Variants in RASGRF1 observed in about 807,000 individuals in gnomAD.
RASGRF1 encodes the protein ras-specific guanine nucleotide-releasing factor 1.
Under a neutral mutation model 138.7 loss-of-function variants are expected in RASGRF1, and 40 were observed. That is an observed-to-expected ratio of 0.29 (90% CI 0.22 to 0.38). The LOEUF (loss-of-function observed/expected upper bound fraction) is 0.38, where lower values mean the gene tolerates loss of function less well. RASGRF1 is among the 10% of genes least tolerant of loss of function. The pLI, the probability that RASGRF1 is intolerant of heterozygous loss-of-function variation, is 1.00. For synonymous variants in RASGRF1, 614 were observed against 663.2 expected (o/e 0.93, Z 1.14); for missense variants, 1,108 against 1,650.4 (o/e 0.67, Z 5.69).
At position 78,962,034 on chromosome 15, in the gene RASGRF1, T is replaced by C. The variant is rs2055553841; in HGVS notation, c.*110A>G. The C allele has an allele frequency of 4.3e-6, 3 of 695,464 alleles. No individual in the cohort carries two copies. The highest frequency in any genetic ancestry group is 3.7e-4 in the Middle Eastern group (1 of 2,708). The allele number at this position is 695,464 out of a possible 1,614,324, so 43.1% of individuals were successfully genotyped here. On this transcript the variant is annotated 3_prime_UTR_variant, in exon 27 of 27. Coordinates refer to ENST00000558480, the MANE Select transcript of RASGRF1 (RefSeq NM_001145648.3). ...ATCTAAGAACAAGGACGATTTGTAT[T>C]CTTGGAGAAGCACATACTGAAGAAG... is the stretch of plus-strand genomic sequence containing the variant.
Position 79,050,776 on chromosome 15 carries a change from C to A in RASGRF1, c.532-1188G>T, listed in dbSNP as rs143839049. Among the ~76,000 whole-genome samples, 1 of 152,206 alleles carries A rather than the reference C, an allele frequency of 6.6e-6. No homozygotes were observed. Among genetic ancestry groups the A allele is most frequent in the Non-Finnish European group, 1.5e-5 (1 of 68,030 alleles). On this transcript the variant is annotated intron_variant, in intron 3 of 26. Transcript: ENST00000558480. This position sits in a 1 kb window ranked among gnomAD's most constrained non-coding sequence, Gnocchi z 4.1. ...GACAGGCCAGTGGTGTATCCTCCTG[C>A]GCAGGGCTCGTCCAACCACTCCAAT...
At chr15:79,074,839 AGCTCCAC>A (rs578219503) in intron 1 of RASGRF1, among the ~76,000 whole-genome samples, 71 of 152,354 alleles carry the variant, frequency 4.7e-4, no homozygotes, top group African/African-American at 1.4e-3. Context: ...ATGGGCCCAG[AGCTCCAC>A]CTGGGGCCTC....
At chr15:79,008,649 T>A (rs1215964815) in intron 13 of RASGRF1, among the ~76,000 whole-genome samples, 3 of 151,936 alleles carry the variant, frequency 2.0e-5, no homozygotes, top group African/African-American at 7.3e-5. Context: ...AAAATCTGAG[T>A]GGTCTATTAA....
chr15:79,088,636 T>G (rs1221635827), intron 1 of RASGRF1, among the ~76,000 whole-genome samples: 1 of 152,062 alleles, frequency 6.6e-6, no homozygotes, highest in Non-Finnish European at 1.5e-5. Context: ...TGTAGTGGGT[T>G]GAGGGATGGA....
chr15:79,032,007 G>T lies in RASGRF1; in HGVS notation c.1152+116C>A. 8.2e-7 allele frequency: 1 copy of T among 1,225,292 alleles called. No individual in the cohort carries two copies. The highest frequency in any genetic ancestry group is 2.5e-5 in the Admixed American group (1 of 40,204). 75.9% of individuals were successfully genotyped at this position (1,225,292 alleles called of 1,614,324 possible). A position where few individuals can be genotyped will look rare whatever the true frequency, so the allele number is the denominator to read the frequency against. On this transcript the variant is annotated intron_variant, in intron 7 of 26. Coordinates refer to ENST00000558480, the MANE Select transcript of RASGRF1 (RefSeq NM_001145648.3). This position sits in a 1 kb window ranked among gnomAD's most constrained non-coding sequence, Gnocchi z 4.5. ...GCTGCTGGCCCTGACCACCTCCCCC[G>T]CCCCCTTTGGCAGCCCAGAGCTGGG...
chr15:78,975,182 A>G (rs1414553489), intron 24 of RASGRF1, among the ~76,000 whole-genome samples: 2 of 152,216 alleles, frequency 1.3e-5, no homozygotes, highest in African/African-American at 2.4e-5. Flanking sequence ...CTTGAGTCCA[A>G]CGGTTCAAGA....
intron 22 of RASGRF1, among the ~76,000 whole-genome samples, chr15:78,987,502 C>A (rs1235611124): frequency 6.6e-6 from 1 of 152,078 alleles, no homozygotes; most frequent in Non-Finnish European, 1.5e-5. Context: ...TTGAGACCAG[C>A]CTGGGCAACA....
At chr15:79,059,983 G>C (rs987718) in intron 2 of RASGRF1, among the ~76,000 whole-genome samples, 153 of 7,668 alleles carry the variant, frequency 0.02, 3 homozygotes, top group South Asian at 0.094. Context: ...CACACACACA[G>C]ACACACAGAC....
At chr15:79,082,242 A>C (rs954129783) in intron 1 of RASGRF1, among the ~76,000 whole-genome samples, 1 of 152,226 alleles carries the variant, frequency 6.6e-6, no homozygotes, top group Non-Finnish European at 1.5e-5. Context: ...GTCCAGGCAC[A>C]CAGTAAGTCT....
rs1248693512 is a variant in RASGRF1 at position 79,020,087 on chromosome 15, G to A, written c.1560C>T (p.Leu520=). Residue 520 remains leucine, a synonymous_variant, in exon 11 of 27, where the codon CTC becomes CTT. Transcript: ENST00000558480. ...GCTCCTCCAATAAAGTGCAGTCAAT[G>A]AGGGATATGACTCCATTCTGAAAAA... The part of the protein sequence containing the change: ...LHLTKNGVIS[L]IDCTLLEEPE... The A allele has an allele frequency of 1.9e-6, 3 of 1,614,068 alleles. No homozygotes were observed. The highest frequency in any genetic ancestry group is 1.6e-4 in the Middle Eastern group (1 of 6,062).
At chr15:79,055,944 G>A (rs899268112) in intron 3 of RASGRF1, among the ~76,000 whole-genome samples, 10 of 152,264 alleles carry the variant, frequency 6.6e-5, no homozygotes, top group African/African-American at 1.9e-4. Flanking sequence ...GACACAGCCC[G>A]TCCTTATGGA....
chr15:78,964,498 A>C (rs2055606291), intron 26 of RASGRF1, among the ~76,000 whole-genome samples: 1 of 152,150 alleles, frequency 6.6e-6, no homozygotes, highest in African/African-American at 2.4e-5. Context: ...TGTATTGCAC[A>C]TCAAAGTTTA....
At chr15:79,045,174 A>G (rs572509526) in intron 5 of RASGRF1, among the ~76,000 whole-genome samples, 3 of 152,200 alleles carry the variant, frequency 2.0e-5, no homozygotes, top group Non-Finnish European at 4.4e-5. Context: ...TTTTGGTGCC[A>G]TCTGGGACCA....
intron 14 of RASGRF1, 123 bp from the exon 15 acceptor site, chr15:79,004,298 G>A: frequency 7.8e-7 from 1 of 1,273,924 alleles, no homozygotes; most frequent in Non-Finnish European, 1.1e-6. Flanking sequence ...TAGGATCCCT[G>A]AAACCCATAC....
chr15:79,066,669 G>A (rs1018556862), intron 1 of RASGRF1, among the ~76,000 whole-genome samples: 1 of 152,220 alleles, frequency 6.6e-6, no homozygotes, highest in Non-Finnish European at 1.5e-5. Flanking sequence ...CTACTGGGTA[G>A]GGAAGCAGAT....
intron 1 of RASGRF1, among the ~76,000 whole-genome samples, chr15:79,070,165 G>A (rs1173173729): frequency 6.6e-6 from 1 of 152,234 alleles, no homozygotes; most frequent in Non-Finnish European, 1.5e-5. Context: ...GTGTGAGGTT[G>A]GGTCTGGGAT....
chr15:79,076,061 T>C (rs1477618857), intron 1 of RASGRF1, among the ~76,000 whole-genome samples: 6 of 152,362 alleles, frequency 3.9e-5, no homozygotes, highest in South Asian at 4.1e-4. Flanking sequence ...ATATGTGCTT[T>C]TGGAAAGGTA....
At chr15:78,999,279 G>A (rs527895512) in intron 17 of RASGRF1, among the ~76,000 whole-genome samples, 16 of 152,292 alleles carry the variant, frequency 1.1e-4, no homozygotes, top group African/African-American at 3.6e-4. Context: ...TGGGAAGGAA[G>A]GGGCCTCCAG....
intron 6 of RASGRF1, among the ~76,000 whole-genome samples, chr15:79,033,276 T>C (rs529621720): frequency 2.6e-5 from 4 of 152,352 alleles, no homozygotes; most frequent in African/African-American, 9.6e-5. Context: ...GGAATCTTGC[T>C]CTGTTGCCCA....
Sources: gnomAD v4.1 joint callset for allele counts (sites outside exome capture counted in the v4.1 genomes callset) on GRCh38, gnomAD v4.1.1 for gene constraint, Gnocchi (gnomAD v3.1) non-coding constraint, MANE v1.5 for transcripts, NCBI Gene and HGNC (gene_info 2026-07-23, HGNC 2026-07-21) for gene names.